The following SERPINE2 variants were observed in gnomAD, a reference collection of about 807,000 sequenced individuals.
The protein encoded by SERPINE2 is glia-derived nexin.
Under a neutral mutation model 36.3 loss-of-function variants are expected in SERPINE2, and 14 were observed. The observed-to-expected ratio is 0.39, with a 90% CI of 0.25 to 0.60. The LOEUF is 0.60. SERPINE2 is among the 20% of genes least tolerant of loss of function. The pLI is 0.57. For synonymous variants in SERPINE2, 192 were observed against 191.8 expected (o/e 1.00, Z -0.01); for missense variants, 418 against 499.6 (o/e 0.84, Z 1.56).
intron 3 of SERPINE2, among the ~76,000 whole-genome samples, chr2:223,995,951 TAC>T (rs1690871969): frequency 6.6e-6 from 1 of 152,242 alleles, no homozygotes; most frequent in South Asian, 2.1e-4. Context: ...TCCTTTGTAT[TAC>T]AGTTTGGCAC....
chr2:223,985,653 G>A (rs1430741931), intron 4 of SERPINE2, among the ~76,000 whole-genome samples: 4 of 152,190 alleles, frequency 2.6e-5, no homozygotes, highest in Admixed American at 6.6e-5. Context: ...CGGGGTAGGC[G>A]TAAGCAGTGC....
chr2:224,027,467 A>G (rs1692223732), intron 1 of SERPINE2, among the ~76,000 whole-genome samples: 2 of 152,150 alleles, frequency 1.3e-5, no homozygotes, highest in Non-Finnish European at 2.9e-5. Context: ...TTCAGTCCAC[A>G]CTGACCACTG....
At chr2:224,009,533 A>G (rs1478949359) in intron 1 of SERPINE2, among the ~76,000 whole-genome samples, 5 of 152,144 alleles carry the variant, frequency 3.3e-5, no homozygotes, top group African/African-American at 4.8e-5. Flanking sequence ...TGTCTCTATT[A>G]GAAATACAAA....
chr2:223,978,700 G>A (rs1690109032), intron 7 of SERPINE2: 1 of 152,200 alleles, frequency 6.6e-6, no homozygotes, highest in Admixed American at 6.5e-5. Flanking sequence ...ACTTGGGCTT[G>A]ATGTTATAAA....
At chr2:224,004,038 G>T (rs1215311964) in intron 1 of SERPINE2, among the ~76,000 whole-genome samples, 1 of 152,202 alleles carries the variant, frequency 6.6e-6, no homozygotes, top group Non-Finnish European at 1.5e-5. Context: ...CCACCCTAGG[G>T]CGTAGGAGAT....
At chr2:224,030,752 A>T (rs970305528) in intron 1 of SERPINE2, 1 of 156,128 alleles carries the variant, frequency 6.4e-6, no homozygotes, top group African/African-American at 2.4e-5. Context: ...AATCGCAAAC[A>T]GAGTTCAATT....
intron 1 of SERPINE2, among the ~76,000 whole-genome samples, chr2:224,002,401 G>A (rs945004346): frequency 6.6e-6 from 1 of 152,228 alleles, no homozygotes; most frequent in South Asian, 2.1e-4. Context: ...CTGGGGAGGT[G>A]GGGAGGGAAA....
chr2:223,987,990 T>C (rs935365926), intron 4 of SERPINE2, among the ~76,000 whole-genome samples: 9 of 152,182 alleles, frequency 5.9e-5, no homozygotes, highest in African/African-American at 2.2e-4. Flanking sequence ...GAAATGGATA[T>C]TTTGGAAAAA....
intron 4 of SERPINE2, among the ~76,000 whole-genome samples, chr2:223,990,600 G>A (rs1237998095): frequency 6.6e-6 from 1 of 151,794 alleles, no homozygotes; most frequent in East Asian, 1.9e-4. Flanking sequence ...TATAAAGTGT[G>A]TACAAAAGAT....
intron 1 of SERPINE2, among the ~76,000 whole-genome samples, chr2:224,029,652 C>T (rs1396682467): frequency 6.6e-6 from 1 of 152,180 alleles, no homozygotes; most frequent in Admixed American, 6.5e-5. Flanking sequence ...CTTGCAGAGA[C>T]CTAAATATTA....
chr2:223,988,021 G>A (rs766679436), intron 4 of SERPINE2, among the ~76,000 whole-genome samples: 1 of 152,120 alleles, frequency 6.6e-6, no homozygotes, highest in Non-Finnish European at 1.5e-5. Context: ...ATGCTCCATC[G>A]TGTGCAATAC....
chr2:224,005,053 ATTTTATATATAT>A (rs1691345024), intron 1 of SERPINE2, among the ~76,000 whole-genome samples: 1 of 22,618 alleles, frequency 4.4e-5, no homozygotes, highest in Non-Finnish European at 1.1e-4. Context: ...TATTTTATAT[ATTTTATATATAT>A]TATATATATA....
intron 1 of SERPINE2, among the ~76,000 whole-genome samples, chr2:224,007,959 T>G (rs6436456): frequency 0.68 from 103,265 of 151,808 alleles, 35,611 homozygotes; most frequent in Non-Finnish European, 0.75. Flanking sequence ...CACGCTTTTT[T>G]CTTTGTTTAT....
rs1574852717 is a variant in SERPINE2, at chr2:224,031,174, C to T, written c.-23+7925G>A. ...CTCACGGTTCACACATCTACAGACC[C>T]GGGTCCAGGCTCTGGCACTGACACA... On this transcript the variant is annotated intron_variant, in intron 1 of 8. Transcript: ENST00000409304. 3 of 985,370 alleles carry T rather than the reference C, an allele frequency of 3.0e-6. No homozygotes were observed. In the African/African-American group the frequency reaches 5.2e-5, roughly 17 times the overall value. 61.0% of individuals were successfully genotyped at this position (985,370 alleles called of 1,614,324 possible). A position where few individuals can be genotyped will look rare whatever the true frequency, so the allele number is the denominator to read the frequency against.
chr2:224,005,065 T>TTATATATATATATATATA (rs71058976), intron 1 of SERPINE2, among the ~76,000 whole-genome samples: 58 of 33,506 alleles, frequency 1.7e-3, no homozygotes, highest in African/African-American at 2.3e-3. Flanking sequence ...TTTATATATA[T>TTATATATATATATATATA]TATATATATA....
intron 4 of SERPINE2, 110 bp downstream of exon 4, chr2:223,991,693 G>A: frequency 1.7e-6 from 2 of 1,163,150 alleles, no homozygotes; most frequent in Admixed American, 2.0e-5. Flanking sequence ...CTGTTCCCCA[G>A]TTTTTTAAAA....
rs531543869 is a variant in SERPINE2 at position 224,007,157 on chromosome 2, T to C, written c.-22-5235A>G. On this transcript the variant is annotated intron_variant, in intron 1 of 8. Coordinates refer to ENST00000409304, the MANE Select transcript of SERPINE2 (RefSeq NM_001136528.2). Reference sequence around the variant, plus strand: ...GATAAATAATATGACACTAGTCTGCTCTATGTAGCATAATAAGTAAGTTGT... The same window carrying C: ...GATAAATAATATGACACTAGTCTGCCCTATGTAGCATAATAAGTAAGTTGT... Among the ~76,000 whole-genome samples the C allele has an allele frequency of 8.5e-5, 13 of 152,348 alleles. No individual in the cohort carries two copies. In the East Asian group the frequency reaches 2.3e-3, roughly 27 times the overall value.
chr2:224,010,194 G>T, intron 1 of SERPINE2: 1 of 206,444 alleles, frequency 4.8e-6, no homozygotes, highest in Non-Finnish European at 8.5e-6. Context: ...CAGCTTGGTA[G>T]TTTTAAAATG....
intron 3 of SERPINE2, among the ~76,000 whole-genome samples, chr2:223,997,815 A>T (rs567028638): frequency 2.0e-5 from 3 of 152,200 alleles, no homozygotes; most frequent in Non-Finnish European, 4.4e-5. Flanking sequence ...AAAACCTTCA[A>T]AATCAACAAG....
Sources: gnomAD v4.1 joint callset for allele counts (sites outside exome capture counted in the v4.1 genomes callset) on GRCh38, gnomAD v4.1.1 for gene constraint, MANE v1.5 for transcripts, NCBI Gene and HGNC (gene_info 2026-07-23, HGNC 2026-07-21) for gene names.